Variants in USP18 observed in about 807,000 individuals in gnomAD.
USP18 encodes ubl carboxyl-terminal hydrolase 18.
Under a neutral mutation model 48.7 loss-of-function variants are expected in USP18, and 11 were observed. That is an observed-to-expected ratio of 0.23 (90% CI 0.14 to 0.37). The LOEUF is 0.37. Ranked by LOEUF, USP18 falls within the 10% of genes least tolerant of loss-of-function variation. The pLI is 1.00. For missense variants in USP18, 285 were observed against 436.4 expected, an observed-to-expected ratio of 0.65 and a Z score of 3.09; for synonymous variants, 114 against 163.2, an observed-to-expected ratio of 0.70 and a Z score of 2.30.
intron 4 of USP18, among the ~76,000 whole-genome samples, chr22:18,162,241 A>G (rs904768350): frequency 1.3e-5 from 2 of 152,222 alleles, no homozygotes; most frequent in African/African-American, 4.8e-5. Flanking sequence ...ATAAAGGAAT[A>G]AAAAAGAGAA....
At chr22:18,155,380 C>T (rs531035707) in intron 1 of USP18, among the ~76,000 whole-genome samples, 3 of 152,374 alleles carry the variant, frequency 2.0e-5, no homozygotes, top group East Asian at 3.9e-4. Flanking sequence ...TCACAGCCCT[C>T]GCTCGCTCTC....
At chr22:18,156,575 C>T (rs1468377628) in intron 1 of USP18, among the ~76,000 whole-genome samples, 2 of 152,028 alleles carry the variant, frequency 1.3e-5, no homozygotes, top group Admixed American at 6.6e-5. Context: ...TAACACTCAC[C>T]GTGAAGGTCC....
chr22:18,157,040 C>G (rs1247173460), intron 1 of USP18, among the ~76,000 whole-genome samples: 2 of 152,332 alleles, frequency 1.3e-5, no homozygotes, highest in East Asian at 1.9e-4. Flanking sequence ...ATGAGACCAG[C>G]CCAGCACCAG....
chr22:18,169,800 G>A (rs1929576988), intron 6 of USP18, 44 bp from the exon 7 acceptor site: 2 of 1,547,638 alleles, frequency 1.3e-6, no homozygotes, highest in African/African-American at 1.4e-5. Flanking sequence ...TTCTAGGTGG[G>A]AAATACCAAC....
rs190481143 is a variant in USP18, at chr22:18,159,793, A to G, written c.158-379A>G. 8.9e-3 allele frequency among the ~76,000 whole-genome samples: 1,329 copies of G among 149,540 alleles called. 20 individuals carry two copies. The highest frequency in any genetic ancestry group is 0.031 in the African/African-American group (1,258 of 40,302). On this transcript the variant is annotated intron_variant, in intron 2 of 10. Transcript: ENST00000215794. ...TGGGTTCACACCATTCTCCTGCCTC[A>G]GCCTCCTGAGTAGCTGGGACTACAG...
Position 18,157,767 on chromosome 22 carries a change from A to G in USP18, c.104A>G (p.Asn35Ser). Residue 35 changes from asparagine to serine, a missense_variant, in exon 2 of 11, where the codon AAC becomes AGC. Physicochemically the swap from Asn to Ser is conservative, Grantham distance 46. This residue lies in a region of USP18 where 199 missense variants were observed against 239.6 expected (regional missense o/e 0.83). Coordinates refer to ENST00000215794, the MANE Select transcript of USP18 (RefSeq NM_017414.4). ...GAAGAAAAGAAGGAAGAAGACAGCAACATGAAGAGAGAGCAGCCCAGAGAG... is the reference window on the plus strand; with the variant it reads ...GAAGAAAAGAAGGAAGAAGACAGCAGCATGAAGAGAGAGCAGCCCAGAGAG... ...DLEEKKEEDS[N>S]MKREQPRERP... 1 of 1,614,144 alleles carries G rather than the reference A, an allele frequency of 6.2e-7. No homozygotes were observed. Among genetic ancestry groups the G allele is most frequent in the Non-Finnish European group, 8.5e-7 (1 of 1,180,012 alleles).
chr22:18,175,609 G>A (rs1003188948), intron 10 of USP18, among the ~76,000 whole-genome samples: 15 of 149,632 alleles, frequency 1.0e-4, no homozygotes, highest in Admixed American at 9.8e-4. Flanking sequence ...ACTCTGCCCT[G>A]TAGAGCAAAA....
chr22:18,174,683 G>C (rs180882368), intron 10 of USP18, among the ~76,000 whole-genome samples: 1 of 151,946 alleles, frequency 6.6e-6, no homozygotes, highest in East Asian at 1.9e-4. Flanking sequence ...TGAACTCCTG[G>C]GCACAGGTGA....
rs1019639871 is a variant in USP18 at position 18,173,683 on chromosome 22, G to A, written c.1024-110G>A. On this transcript the variant is annotated intron_variant, in intron 9 of 10. Coordinates refer to ENST00000215794, the MANE Select transcript of USP18 (RefSeq NM_017414.4). ...CTGCTGTTGCTCCAGGCTCTTGGGA[G>A]TTGCTAGGGGTGGGCTTGTCTGGAG... 1.5e-5 allele frequency: 22 copies of A among 1,499,074 alleles called. No homozygotes were observed. In the African/African-American group the frequency reaches 1.8e-4, roughly 12 times the overall value. The allele number at this position is 1,499,074 out of a possible 1,614,324, so 92.9% of individuals were successfully genotyped here.
chr22:18,160,078 T>C, intron 2 of USP18, 94 bp from the exon 3 acceptor site: 1 of 1,221,400 alleles, frequency 8.2e-7, no homozygotes, highest in Non-Finnish European at 1.2e-6. Context: ...CCTCCCAAAG[T>C]ACTGGAATTA....
rs767901076 is a variant in USP18, at chr22:18,157,735, A to G, written c.72A>G (p.Ala24=). The G allele has an allele frequency of 1.2e-6, 2 of 1,614,182 alleles. No individual in the cohort carries two copies. Among genetic ancestry groups the G allele is most frequent in the Non-Finnish European group, 1.7e-6 (2 of 1,180,036 alleles). The part of the protein sequence containing the change: ...SILAESSQSP[A]DLEEKKEEDS... ...TGGCTGAGTCCTCGCAGTCCCCGGC[A>G]GATCTTGAAGAAAAGAAGGAAGAAG... Residue 24 remains alanine, a synonymous_variant, in exon 2 of 11, where the codon GCA becomes GCG. Coordinates refer to ENST00000215794, the MANE Select transcript of USP18 (RefSeq NM_017414.4).
At chr22:18,174,251 G>C (rs1929719192) in intron 10 of USP18, among the ~76,000 whole-genome samples, 1 of 147,186 alleles carries the variant, frequency 6.8e-6, no homozygotes, top group Non-Finnish European at 1.5e-5. Flanking sequence ...TTTTTTGACG[G>C]AGTCTCGCTC....
chr22:18,175,991 A>T (rs1929777703), intron 10 of USP18, among the ~76,000 whole-genome samples: 4 of 129,564 alleles, frequency 3.1e-5, no homozygotes, highest in Middle Eastern at 7.6e-3. Context: ...TCGTCAAAAA[A>T]TAAACAAAAG....
rs1269446237 is a variant in USP18, at chr22:18,157,674, C to T, written c.11C>T (p.Ala4Val). ...TTGGAGTGATCACGAATGAGCAAGGCGTTTGGGCTCCTGAGGCAAATCTGT... is the reference window on the plus strand; with the variant it reads ...TTGGAGTGATCACGAATGAGCAAGGTGTTTGGGCTCCTGAGGCAAATCTGT... MSK[A>V]FGLLRQICQS... The change falls in exon 2 of 11, where the codon GCG becomes GTG. Residue 4 changes from alanine to valine, a missense_variant. By Grantham distance (64) the Ala-to-Val change is moderately conservative. Transcript: ENST00000215794. The T allele has an allele frequency of 1.9e-6, 3 of 1,614,034 alleles. No homozygotes were observed. Among genetic ancestry groups the T allele is most frequent in the East Asian group, 2.2e-5 (1 of 44,872 alleles).
chr22:18,160,397 C>A (rs1286697222), intron 3 of USP18, 129 bp downstream of exon 3: 15 of 1,111,390 alleles, frequency 1.3e-5, no homozygotes, highest in Non-Finnish European at 1.8e-5. Flanking sequence ...GTTCTGCCTC[C>A]CGGGTTCAAG....
In USP18 at chr22:18,150,937, C is replaced by T. The variant is rs552168884; in HGVS notation, c.-107+715C>T. ...TTGCACTCCAGCCTGGGCGACAGAGCGAAACTGTCTCAAACAAACAAACAA... is the reference window on the plus strand; with the variant it reads ...TTGCACTCCAGCCTGGGCGACAGAGTGAAACTGTCTCAAACAAACAAACAA... On this transcript the variant is annotated intron_variant, in intron 1 of 10. Transcript: ENST00000215794. Among the ~76,000 whole-genome samples the T allele has an allele frequency of 2.6e-5, 4 of 152,260 alleles. No individual in the cohort carries two copies. In the East Asian group the frequency reaches 5.8e-4, roughly 22 times the overall value.
intron 4 of USP18, among the ~76,000 whole-genome samples, chr22:18,164,057 CTT>C (rs901866416): frequency 1.3e-5 from 2 of 152,264 alleles, no homozygotes; most frequent in African/African-American, 4.8e-5. Context: ...TTGTTTTACT[CTT>C]TGTCACCCCC....
chr22:18,157,976 A>C (rs113860079), intron 2 of USP18, among the ~76,000 whole-genome samples, 156 bp downstream of exon 2: 4 of 152,106 alleles, frequency 2.6e-5, no homozygotes, highest in Non-Finnish European at 5.9e-5. Flanking sequence ...CCTGGGCCAT[A>C]GTGAAACCCT....
intron 2 of USP18, among the ~76,000 whole-genome samples, chr22:18,159,458 T>C (rs956117102): frequency 1.3e-5 from 2 of 152,220 alleles, no homozygotes; most frequent in Non-Finnish European, 1.5e-5. Flanking sequence ...CAGGACTTCA[T>C]GTCCTTAGTA....
Sources: allele counts gnomAD v4.1 joint callset (sites outside exome capture counted in the v4.1 genomes callset), GRCh38; gene constraint gnomAD v4.1.1; regional missense constraint gnomAD v4.1.1; transcripts MANE v1.5; gene names NCBI Gene and HGNC (gene_info 2026-07-23, HGNC 2026-07-21).